The following PPP4R2 variants were observed in gnomAD, a reference collection of about 807,000 sequenced individuals.
PPP4R2 encodes protein phosphatase 4 regulatory subunit 2, also known as serine/threonine-protein phosphatase 4 regulatory subunit 2.
PPP4R2 carries 13 observed loss-of-function variants against 47.2 expected under a neutral mutation model. The ratio of observed to expected loss-of-function variants is 0.28; its 90% confidence interval spans 0.18 to 0.44. The LOEUF (loss-of-function observed/expected upper bound fraction) is 0.44, where lower values mean the gene tolerates loss of function less well. PPP4R2 is among the 20% of genes least tolerant of loss of function. The pLI, the probability that PPP4R2 is intolerant of heterozygous loss-of-function variation, is 1.00. For missense variants in PPP4R2, 421 were observed against 491.2 expected, an observed-to-expected ratio of 0.86 and a Z score of 1.35; for synonymous variants, 151 against 163.3, an observed-to-expected ratio of 0.92 and a Z score of 0.57.
At chr3:73,019,074 G>T (rs1701907120) in intron 2 of PPP4R2, among the ~76,000 whole-genome samples, 1 of 152,136 alleles carries the variant, frequency 6.6e-6, no homozygotes. Context: ...CATATATGAT[G>T]GTGGTCCTAT....
At chr3:73,035,270 C>T (rs1432898897) in intron 2 of PPP4R2, among the ~76,000 whole-genome samples, 1 of 152,148 alleles carries the variant, frequency 6.6e-6, no homozygotes, top group African/African-American at 2.4e-5. Flanking sequence ...CATGGTGGCA[C>T]ACACCTGTAG....
rs139314610 is a variant in PPP4R2 at position 73,009,865 on chromosome 3, C to G, written c.116+11707C>G. On this transcript the variant is annotated intron_variant, in intron 2 of 8. Coordinates refer to ENST00000356692, the MANE Select transcript of PPP4R2 (RefSeq NM_174907.4). ...TTTTAGATCTTCATTTTCACCAGCT[C>G]TCTGATGTGTTCGTTTGCTTGTCTT... 8.8e-4 allele frequency among the ~76,000 whole-genome samples: 134 copies of G among 152,292 alleles called. 3 individuals carry two copies. Among genetic ancestry groups the G allele is most frequent in the African/African-American group, 3.1e-3 (129 of 41,566 alleles).
intron 2 of PPP4R2, among the ~76,000 whole-genome samples, chr3:73,034,277 A>G (rs918136014): frequency 1.1e-4 from 16 of 152,176 alleles, no homozygotes; most frequent in African/African-American, 3.9e-4. Context: ...AAATGGTGCC[A>G]TCATTGAGTT....
intron 2 of PPP4R2, among the ~76,000 whole-genome samples, chr3:73,018,466 G>GTTTGTTATGTTATGTTATGTTATT (rs1553646475): frequency 2.9e-5 from 2 of 68,742 alleles, no homozygotes; most frequent in Non-Finnish European, 6.3e-5. Flanking sequence ...TGTTATGTTA[G>GTTTGTTATGTTATGTTATGTTATT]TATCCGAAAC....
At chr3:73,037,273 A>G (rs773222652) in intron 2 of PPP4R2, among the ~76,000 whole-genome samples, 23 of 152,284 alleles carry the variant, frequency 1.5e-4, no homozygotes, top group Middle Eastern at 6.8e-3. Context: ...TCATCTGTAT[A>G]TTAGGTTTAG....
chr3:73,054,138 G>A (rs1401002985), intron 3 of PPP4R2, among the ~76,000 whole-genome samples: 5 of 151,958 alleles, frequency 3.3e-5, no homozygotes, highest in African/African-American at 9.7e-5. Flanking sequence ...GGCTGGTCTC[G>A]AACTTCTGAC....
chr3:73,017,044 C>G (rs541322322), intron 2 of PPP4R2, among the ~76,000 whole-genome samples: 6 of 151,960 alleles, frequency 3.9e-5, no homozygotes, highest in Admixed American at 3.9e-4. Flanking sequence ...CCAGGCTGGT[C>G]CTGAACTCCT....
intron 2 of PPP4R2, among the ~76,000 whole-genome samples, chr3:73,042,116 T>G (rs760945999): frequency 1.3e-5 from 2 of 152,200 alleles, no homozygotes; most frequent in Admixed American, 1.3e-4. Context: ...TAAAGTAGAT[T>G]TAAATTTTGA....
At chr3:73,062,692 G>A (rs763625594) in intron 5 of PPP4R2, 1 of 1,613,988 alleles carries the variant, frequency 6.2e-7, no homozygotes, top group Admixed American at 1.7e-5. Flanking sequence ...ATTTGCACCA[G>A]CAGTCTCCAA....
At chr3:73,064,327 A>T (rs1702937746) in intron 7 of PPP4R2, among the ~76,000 whole-genome samples, 181 bp downstream of exon 7, 1 of 152,222 alleles carries the variant, frequency 6.6e-6, no homozygotes, top group African/African-American at 2.4e-5. Flanking sequence ...CATAGACAAG[A>T]CTTAAAACTG....
At chr3:73,037,657 T>A (rs1702291973) in intron 2 of PPP4R2, among the ~76,000 whole-genome samples, 1 of 152,230 alleles carries the variant, frequency 6.6e-6, no homozygotes, top group Admixed American at 6.5e-5. Context: ...TCATTTATTG[T>A]TTATATTAAA....
At chr3:73,003,679 CAA>C (rs768354527) in intron 2 of PPP4R2, among the ~76,000 whole-genome samples, 1 of 149,146 alleles carries the variant, frequency 6.7e-6, no homozygotes, top group Non-Finnish European at 1.5e-5. Context: ...CTAATTGAAA[CAA>C]TATTTCTGGA....
At chr3:73,001,882 C>T (rs528614173) in intron 2 of PPP4R2, among the ~76,000 whole-genome samples, 4 of 152,222 alleles carry the variant, frequency 2.6e-5, no homozygotes, top group Non-Finnish European at 5.9e-5. Context: ...CTGCCTTGGC[C>T]TCCCAAACTG....
chr3:73,004,800 T>A (rs923095398), intron 2 of PPP4R2, among the ~76,000 whole-genome samples: 9 of 152,196 alleles, frequency 5.9e-5, no homozygotes, highest in Non-Finnish European at 1.3e-4. Flanking sequence ...CCAATCTTTT[T>A]GCCTACCTTC....
chr3:73,044,115 A>G (rs1702435147), intron 2 of PPP4R2, among the ~76,000 whole-genome samples: 1 of 152,038 alleles, frequency 6.6e-6, no homozygotes. Flanking sequence ...TATCTCTCAC[A>G]TTTTGCTTAT....
rs76445256 is a variant in PPP4R2, at chr3:73,023,190, G to T, written c.117-23996G>T. On this transcript the variant is annotated intron_variant, in intron 2 of 8. Transcript: ENST00000356692. Reference sequence around the variant, plus strand: ...GGTTTCTTTTCTTTTCCTTTTTTTTGTTTTTTTTTTGAGATGGAATTTCGC... The same window carrying T: ...GGTTTCTTTTCTTTTCCTTTTTTTTTTTTTTTTTTTGAGATGGAATTTCGC... 2.7e-3 allele frequency among the ~76,000 whole-genome samples: 376 copies of T among 140,334 alleles called. 1 individual carries two copies. Among genetic ancestry groups the T allele is most frequent in the African/African-American group, 5.7e-3 (217 of 38,002 alleles). 92.1% of individuals were successfully genotyped at this position (140,334 alleles called of 152,430 possible). A position where few individuals can be genotyped will look rare whatever the true frequency, so the allele number is the denominator to read the frequency against.
At chr3:73,037,634 G>A (rs1300240959) in intron 2 of PPP4R2, among the ~76,000 whole-genome samples, 2 of 152,176 alleles carry the variant, frequency 1.3e-5, no homozygotes, top group Non-Finnish European at 1.5e-5. Context: ...CCATAGTGCT[G>A]AGTTTGAGAA....
At chr3:73,007,494 G>A (rs1413284356) in intron 2 of PPP4R2, among the ~76,000 whole-genome samples, 2 of 130,600 alleles carry the variant, frequency 1.5e-5, no homozygotes, top group Non-Finnish European at 3.3e-5. Flanking sequence ...GTTTTTTTTT[G>A]TGAGACAGAG....
Position 73,059,137 on chromosome 3 carries a change from AT to A in PPP4R2, c.381+11del. ...TCTCAGAGGAGTAGAAAAGGTATTT[AT>A]TTTATTATTGGAATTATATTATGCT... is the stretch of plus-strand genomic sequence containing the variant. On this transcript the variant is annotated splice_region_variant and intron_variant, in intron 4 of 8. Coordinates refer to ENST00000356692, the MANE Select transcript of PPP4R2 (RefSeq NM_174907.4). The A allele has an allele frequency of 7.2e-7, 1 of 1,380,160 alleles. No individual in the cohort carries two copies. Among genetic ancestry groups the A allele is most frequent in the Non-Finnish European group, 1.0e-6 (1 of 988,004 alleles). 85.5% of individuals were successfully genotyped at this position (1,380,160 alleles called of 1,614,324 possible).
Sources: gnomAD v4.1 joint callset for allele counts (sites outside exome capture counted in the v4.1 genomes callset) on GRCh38, gnomAD v4.1.1 for gene constraint, MANE v1.5 for transcripts, NCBI Gene and HGNC (gene_info 2026-07-23, HGNC 2026-07-21) for gene names.